Variants in SGCD observed in about 807,000 individuals in gnomAD.
SGCD encodes the protein delta-sarcoglycan.
In SGCD, 18 loss-of-function variants were observed where a neutral mutation model predicts 36.6. The ratio of observed to expected loss-of-function variants is 0.49; its 90% CI spans 0.34 to 0.73. The LOEUF (loss-of-function observed/expected upper bound fraction) is 0.73, where lower values mean the gene tolerates loss of function less well. Ranked by LOEUF, SGCD falls within the 30% of genes least tolerant of loss-of-function variation. The pLI is 0.01. For missense variants in SGCD, 387 were observed against 346.7 expected, an observed-to-expected ratio of 1.12 and a Z score of -0.92; for synonymous variants, 133 against 130.6, an observed-to-expected ratio of 1.02 and a Z score of -0.12.
At chr5:156,286,747 A>G (rs1445695153) in intron 3 of SGCD, among the ~76,000 whole-genome samples, 3 of 152,078 alleles carry the variant, frequency 2.0e-5, no homozygotes, top group Non-Finnish European at 4.4e-5. Context: ...TGGGTGCAGC[A>G]CACCAACATG....
chr5:156,279,100 A>C (rs1766385904), intron 3 of SGCD, among the ~76,000 whole-genome samples: 1 of 152,158 alleles, frequency 6.6e-6, no homozygotes, highest in Admixed American at 6.6e-5. Context: ...CCAAAATTTC[A>C]GTAGTGCCAA....
chr5:156,237,933 T>C (rs1765208072), intron 3 of SGCD, among the ~76,000 whole-genome samples: 1 of 151,580 alleles, frequency 6.6e-6, no homozygotes, highest in African/African-American at 2.4e-5. Flanking sequence ...GAAGGAAAAA[T>C]TAATAATGGA....
chr5:156,385,425 G>A (rs954990445), intron 3 of SGCD, among the ~76,000 whole-genome samples: 1 of 152,222 alleles, frequency 6.6e-6, no homozygotes, highest in Non-Finnish European at 1.5e-5. Flanking sequence ...GAAACAGGGT[G>A]GGGGAAGCAA....
chr5:156,366,433 G>A (rs1198937281), intron 3 of SGCD, among the ~76,000 whole-genome samples: 1 of 152,124 alleles, frequency 6.6e-6, no homozygotes, highest in East Asian at 1.9e-4. Flanking sequence ...AAATCACCCA[G>A]GAAATGTACA....
At chr5:156,506,734 C>G (rs910553298) in intron 3 of SGCD, among the ~76,000 whole-genome samples, 1 of 151,944 alleles carries the variant, frequency 6.6e-6, no homozygotes, top group Non-Finnish European at 1.5e-5. Flanking sequence ...AAGTAAAAAC[C>G]TCATTGGTTT....
chr5:156,330,663 C>T (rs905937511), intron 2 of SGCD, among the ~76,000 whole-genome samples: 7 of 152,198 alleles, frequency 4.6e-5, no homozygotes, highest in African/African-American at 1.7e-4. Flanking sequence ...GCTCCTTGAG[C>T]TCAACTTAGT....
chr5:156,425,259 AG>A (rs1561687452), intron 3 of SGCD, among the ~76,000 whole-genome samples: 1 of 152,056 alleles, frequency 6.6e-6, no homozygotes, highest in Non-Finnish European at 1.5e-5. Context: ...AACTTACCCC[AG>A]GTCACAGTTC....
At position 156,276,668 on chromosome 5, in the gene SGCD, G is replaced by A. The variant is rs532657171; in HGVS notation, c.-43-52866G>A. On this transcript the variant is annotated intron_variant, in intron 3 of 9. Coordinates refer to the SGCD transcript ENST00000517913. Reference sequence around the variant, plus strand: ...CACATATTTATTATACACCCTTTATGTACCCCATACTGTTCTGGAAACATG... The same window carrying A: ...CACATATTTATTATACACCCTTTATATACCCCATACTGTTCTGGAAACATG... Among the ~76,000 whole-genome samples, 10 of 152,036 alleles carry A rather than the reference G, an allele frequency of 6.6e-5. No homozygotes were observed. The South Asian group carries it at 2.1e-3, about 32-fold the overall frequency.
At chr5:156,562,654 A>C (rs868119186) in intron 4 of SGCD, among the ~76,000 whole-genome samples, 1 of 152,026 alleles carries the variant, frequency 6.6e-6, no homozygotes, top group Non-Finnish European at 1.5e-5. Flanking sequence ...ATGACCATTC[A>C]ATTTGCTGTT....
chr5:156,433,148 G>GCAAT (rs1213271266), intron 3 of SGCD, among the ~76,000 whole-genome samples: 3 of 152,148 alleles, frequency 2.0e-5, no homozygotes, highest in African/African-American at 7.2e-5. Flanking sequence ...TTTTTACATT[G>GCAAT]CAATCAGTTT....
chr5:156,148,188 A>G (rs527576197), intron 3 of SGCD, among the ~76,000 whole-genome samples: 1 of 152,326 alleles, frequency 6.6e-6, no homozygotes, highest in East Asian at 1.9e-4. Context: ...CAAAAACTCT[A>G]TAAGGAAATC....
At chr5:155,893,239 A>G (rs1478536303) in intron 1 of SGCD, among the ~76,000 whole-genome samples, 1 of 152,154 alleles carries the variant, frequency 6.6e-6, no homozygotes, top group Non-Finnish European at 1.5e-5. Context: ...TACTCCATCA[A>G]TATGTACAAT....
intron 1 of SGCD, among the ~76,000 whole-genome samples, chr5:155,878,032 T>G (rs1051482784): frequency 6.6e-6 from 1 of 152,044 alleles, no homozygotes; most frequent in Non-Finnish European, 1.5e-5. Context: ...CCCAATGATA[T>G]AACACAGAGG....
intron 1 of SGCD, among the ~76,000 whole-genome samples, chr5:155,901,474 G>T (rs148562206): frequency 6.6e-6 from 1 of 152,158 alleles, no homozygotes; most frequent in Non-Finnish European, 1.5e-5. Flanking sequence ...GGCCCCTCTG[G>T]AAGGAGCTCT....
intron 1 of SGCD, among the ~76,000 whole-genome samples, chr5:155,984,633 G>A (rs546447674): frequency 1.3e-5 from 2 of 152,172 alleles, no homozygotes; most frequent in South Asian, 2.1e-4. Flanking sequence ...TTTCTCACAC[G>A]CCTAGGTTTT....
At chr5:156,259,997 G>A (rs1347148604) in intron 3 of SGCD, among the ~76,000 whole-genome samples, 1 of 152,086 alleles carries the variant, frequency 6.6e-6, no homozygotes. Context: ...CAGGTATTCT[G>A]TTATAGCAAC....
At chr5:156,477,309 G>A (rs185331845) in intron 3 of SGCD, among the ~76,000 whole-genome samples, 2 of 152,166 alleles carry the variant, frequency 1.3e-5, no homozygotes, top group African/African-American at 2.4e-5. Flanking sequence ...CAGACAGTGA[G>A]GTTATTCTTC....
chr5:156,622,435 AAATAATAATAATAATAATAAT>A (rs56979795), intron 6 of SGCD, among the ~76,000 whole-genome samples: 2,274 of 137,066 alleles, frequency 0.017, 70 homozygotes, highest in African/African-American at 0.058. Flanking sequence ...TCTGTCTAAA[AAATAATAATAATAATAATAAT>A]AATAATAATA....
intron 1 of SGCD, among the ~76,000 whole-genome samples, chr5:155,910,815 G>T (rs1039008666): frequency 6.6e-6 from 1 of 152,096 alleles, no homozygotes; most frequent in Non-Finnish European, 1.5e-5. Flanking sequence ...CAAAGTGGAA[G>T]ATATCCCCCA....
Sources: allele counts gnomAD v4.1 joint callset (sites outside exome capture counted in the v4.1 genomes callset), GRCh38; gene constraint gnomAD v4.1.1; transcripts MANE v1.5; gene names NCBI Gene and HGNC (gene_info 2026-07-23, HGNC 2026-07-21).